The following FRMPD2 variants were observed in gnomAD, a reference collection of about 807,000 sequenced individuals.
The protein encoded by FRMPD2 is FERM and PDZ domain-containing protein 2.
FRMPD2 carries 96 observed loss-of-function variants against 140.1 expected under a neutral mutation model. That is an observed-to-expected ratio of 0.69 (90% CI 0.58 to 0.81). FRMPD2 has a LOEUF of 0.81. Among genes scored for constraint, FRMPD2 ranks in the 40% least tolerant of loss-of-function variants. The pLI, the probability that FRMPD2 is intolerant of heterozygous loss-of-function variation, is 0.00. For missense variants in FRMPD2, 1,240 were observed against 1,447.4 expected, an observed-to-expected ratio of 0.86 and a Z score of 2.32; for synonymous variants, 449 against 547.6, an observed-to-expected ratio of 0.82 and a Z score of 2.52.
At chr10:48,223,425 C>A (rs1314155753) in intron 10 of FRMPD2, among the ~76,000 whole-genome samples, 155 bp from the exon 11 acceptor site, 2 of 152,062 alleles carry the variant, frequency 1.3e-5, no homozygotes, top group East Asian at 3.9e-4. Flanking sequence ...AGCAAGGAAC[C>A]TTTGTTGGGG....
At chr10:48,184,135 G>T (rs771440739) in intron 20 of FRMPD2, among the ~76,000 whole-genome samples, 1 of 151,422 alleles carries the variant, frequency 6.6e-6, no homozygotes, top group Non-Finnish European at 1.5e-5. Context: ...ACAAAGAACA[G>T]TGCTTGTCTC....
rs17011052 is a variant in FRMPD2 at position 48,214,707 on chromosome 10, C to A, written c.1456-2598G>T. On this transcript the variant is annotated intron_variant, in intron 12 of 28. Transcript: ENST00000374201. ...TCCATATGGGACTGAAAAAGCTCTGCGGTCAAGTACACTTATTTTTATGGC... is the reference window on the plus strand; with the variant it reads ...TCCATATGGGACTGAAAAAGCTCTGAGGTCAAGTACACTTATTTTTATGGC... Among the ~76,000 whole-genome samples the A allele has an allele frequency of 4.8e-4, 73 of 152,182 alleles. 1 individual carries two copies. The East Asian group carries it at 0.012, about 25-fold the overall frequency.
intron 10 of FRMPD2, among the ~76,000 whole-genome samples, chr10:48,224,915 T>C (rs979728462): frequency 3.3e-5 from 5 of 152,248 alleles, no homozygotes; most frequent in South Asian, 2.1e-4. Flanking sequence ...CAAATATCAA[T>C]TGATCACATC....
At chr10:48,217,898 G>C (rs529255138) in intron 12 of FRMPD2, among the ~76,000 whole-genome samples, 1 of 152,318 alleles carries the variant, frequency 6.6e-6, no homozygotes, top group African/African-American at 2.4e-5. Flanking sequence ...GGTGGCTACT[G>C]TTCCTCCTTC....
At chr10:48,242,835 G>C (rs1341757977) in intron 4 of FRMPD2, among the ~76,000 whole-genome samples, 2 of 152,214 alleles carry the variant, frequency 1.3e-5, no homozygotes, top group Non-Finnish European at 2.9e-5. Flanking sequence ...ACAGCCAGCA[G>C]TCAGCACAAA....
chr10:48,223,203 C>T lies in FRMPD2; in HGVS notation c.1236G>A (p.Glu412=). The change falls in exon 11 of 29, where the codon GAG becomes GAA. Residue 412 remains glutamate (E), a synonymous_variant. Transcript: ENST00000374201. ...TATTCATGGAGGTCTTCTGAGGCTGCTCTCTCCAGCCTTCAGGAGCTATTT... is the reference window on the plus strand; with the variant it reads ...TATTCATGGAGGTCTTCTGAGGCTGTTCTCTCCAGCCTTCAGGAGCTATTT... ...LCKIAPEGWR[E]QPQKTSMNTF... 6.2e-7 allele frequency: 1 copy of T among 1,613,656 alleles called. No individual in the cohort carries two copies.
chr10:48,184,809 C>G lies in FRMPD2; in HGVS notation c.2432G>C (p.Gly811Ala), dbSNP rs146304737. 36 of 1,613,694 alleles carry G rather than the reference C, an allele frequency of 2.2e-5. No individual in the cohort carries two copies. In the African/African-American group the frequency reaches 4.1e-4, roughly 19 times the overall value. ...PGIFISSIIP[G>A]GPAEKAKTIK... The stretch of plus-strand genomic sequence containing the variant: ...CGTTTTTGCTTTTTCTGCTGGTCCT[C>G]CAGGTATAATAGAAGATATAAAAAT... The change falls in exon 19 of 29, where the codon GGA (glycine) becomes GCA (alanine). Residue 811 changes from glycine (G) to alanine (A), a missense_variant. This residue lies in a region of FRMPD2 where 1,161 missense variants were observed against 1,055.9 expected (regional missense o/e 1.10). Transcript: ENST00000374201.
Position 48,184,644 on chromosome 10 carries a change from C to T in FRMPD2, c.2506G>A (p.Gly836Ser), listed in dbSNP as rs1233347510. ...ILALNHISLE[G>S]FTFNMAVRMI... is the part of the protein sequence containing the mutation. ...CTAACAGCCATGTTGAATGTGAAGCCCTCCAGACTGATGTGATTCAGGGCT... is the reference window on the plus strand; with the variant it reads ...CTAACAGCCATGTTGAATGTGAAGCTCTCCAGACTGATGTGATTCAGGGCT... The change falls in exon 20 of 29, where the codon GGC (glycine) becomes AGC (serine). Residue 836 changes from glycine to serine, a missense_variant. Physicochemically the swap from Gly to Ser is moderately conservative, Grantham distance 56 (BLOSUM62 0). Around this residue, in one of 6 missense-constraint regions of FRMPD2, gnomAD observed 1,161 missense variants for 1,055.9 expected, o/e 1.10. Transcript: ENST00000374201. 1 of 1,613,588 alleles carries T rather than the reference C, an allele frequency of 6.2e-7. No individual in the cohort carries two copies. The highest frequency in any genetic ancestry group is 1.7e-5 in the Admixed American group (1 of 60,024).
chr10:48,252,424 C>T (rs889563908), intron 1 of FRMPD2, among the ~76,000 whole-genome samples: 6 of 152,160 alleles, frequency 3.9e-5, no homozygotes, highest in South Asian at 2.1e-4. Context: ...AGAAGCCAGG[C>T]GGGCTTTTCC....
chr10:48,178,616 C>A (rs1402627753), intron 21 of FRMPD2, among the ~76,000 whole-genome samples: 2 of 152,174 alleles, frequency 1.3e-5, no homozygotes, highest in African/African-American at 4.8e-5. Flanking sequence ...GATCATCTGG[C>A]CACAAAGTTG....
intron 10 of FRMPD2, among the ~76,000 whole-genome samples, chr10:48,225,354 A>G (rs1418436790): frequency 6.6e-6 from 1 of 152,210 alleles, no homozygotes; most frequent in African/African-American, 2.4e-5. Flanking sequence ...TCCATTCTAC[A>G]GCTTGCTACA....
intron 28 of FRMPD2, among the ~76,000 whole-genome samples, chr10:48,162,974 T>C (rs1286313852): frequency 7.7e-6 from 1 of 130,058 alleles, no homozygotes; most frequent in Non-Finnish European, 1.6e-5. Flanking sequence ...ATACTAGCAA[T>C]AGAAACGAGG....
intron 13 of FRMPD2, among the ~76,000 whole-genome samples, chr10:48,211,195 A>C (rs1162191937): frequency 6.6e-6 from 1 of 152,244 alleles, no homozygotes; most frequent in Non-Finnish European, 1.5e-5. Flanking sequence ...GGCCCACAGC[A>C]AGGGGAGATT....
rs1353580589 is a variant in FRMPD2 at position 48,206,983 on chromosome 10, T to C, written c.1612-50A>G. On this transcript the variant is annotated intron_variant, in intron 13 of 28. Transcript: ENST00000374201. ...GAAGAGACAGGCACATGGTTTAAAA[T>C]AATGGGCCTCACGCCATTCACTCCA... 2.6e-6 allele frequency: 4 copies of C among 1,552,720 alleles called. No individual in the cohort carries two copies. The Admixed American group carries it at 7.2e-5, about 28-fold the overall frequency.
chr10:48,203,802 C>G (rs1183567424), intron 14 of FRMPD2, among the ~76,000 whole-genome samples: 1 of 152,150 alleles, frequency 6.6e-6, no homozygotes, highest in African/African-American at 2.4e-5. Flanking sequence ...TTATAATACA[C>G]GGAAAGTAAG....
At chr10:48,238,772 G>T (rs562353268) in intron 7 of FRMPD2, among the ~76,000 whole-genome samples, 1 of 152,308 alleles carries the variant, frequency 6.6e-6, no homozygotes, top group African/African-American at 2.4e-5. Context: ...AGCATCCTAA[G>T]TTAGACAATT....
chr10:48,214,007 A>G (rs1839388846), intron 12 of FRMPD2, among the ~76,000 whole-genome samples: 2 of 152,180 alleles, frequency 1.3e-5, no homozygotes, highest in East Asian at 1.9e-4. Context: ...CATAAGCCCA[A>G]CTACTGAAAG....
At chr10:48,183,836 AG>A (rs1838608960) in intron 20 of FRMPD2, among the ~76,000 whole-genome samples, 1 of 132,038 alleles carries the variant, frequency 7.6e-6, no homozygotes, top group Admixed American at 7.5e-5. Flanking sequence ...TGGGTGAAAG[AG>A]TGAGACTCCA....
intron 10 of FRMPD2, among the ~76,000 whole-genome samples, chr10:48,230,025 A>G (rs1472213455): frequency 1.3e-5 from 2 of 152,170 alleles, no homozygotes; most frequent in Non-Finnish European, 2.9e-5. Flanking sequence ...AACAAGAATT[A>G]ATTACATGAG....
Sources: gnomAD v4.1 joint callset for allele counts (sites outside exome capture counted in the v4.1 genomes callset) on GRCh38, gnomAD v4.1.1 for gene constraint, gnomAD v4.1.1 regional missense constraint, MANE v1.5 for transcripts, NCBI Gene and HGNC (gene_info 2026-07-23, HGNC 2026-07-21) for gene names.